OTUD7A: variants seen among roughly 807,000 people sequenced by gnomAD.
OTUD7A encodes the protein OTU domain-containing protein 7A.
In OTUD7A, 12 loss-of-function variants were observed where a neutral mutation model predicts 65.7. That is an observed-to-expected ratio of 0.18 (90% CI 0.12 to 0.30). The LOEUF (loss-of-function observed/expected upper bound fraction) is 0.30. Among genes scored for constraint, OTUD7A ranks in the 10% least tolerant of loss-of-function variants. The pLI is 1.00. For missense variants in OTUD7A, 1,148 were observed against 1,304.8 expected (o/e 0.88, Z 1.85); for synonymous variants, 641 against 586.3 (o/e 1.09, Z -1.35).
chr15:31,614,221 G>A (rs1174249380), intron 3 of OTUD7A, among the ~76,000 whole-genome samples: 1 of 151,990 alleles, frequency 6.6e-6, no homozygotes, highest in Non-Finnish European at 1.5e-5. Flanking sequence ...GGTGATGGGT[G>A]CACCAAAATC....
intron 10 of OTUD7A, among the ~76,000 whole-genome samples, chr15:31,501,096 T>G (rs1293693042): frequency 5.3e-5 from 8 of 152,270 alleles, no homozygotes. Context: ...TCAGCTGCAA[T>G]GCTTTGAAAG....
intron 1 of OTUD7A, among the ~76,000 whole-genome samples, chr15:31,783,077 T>C (rs1532746): frequency 0.99 from 150,560 of 152,306 alleles, 74,446 homozygotes; most frequent in East Asian, 1. Flanking sequence ...GGAAATACCA[T>C]AAACCAGCAA....
chr15:31,497,629 C>T (rs548244411), intron 10 of OTUD7A, among the ~76,000 whole-genome samples: 5 of 152,256 alleles, frequency 3.3e-5, no homozygotes, highest in African/African-American at 7.2e-5. Context: ...CCCTCCCTAC[C>T]CTCTTCGACC....
intron 1 of OTUD7A, among the ~76,000 whole-genome samples, chr15:31,771,626 T>C (rs73378681): frequency 0.017 from 2,603 of 152,228 alleles, 79 homozygotes; most frequent in African/African-American, 0.06. Context: ...CAAAGAACTT[T>C]TAAAATGGTT....
At chr15:31,622,016 C>T (rs1307342139) in intron 3 of OTUD7A, among the ~76,000 whole-genome samples, 2 of 152,162 alleles carry the variant, frequency 1.3e-5, no homozygotes, top group African/African-American at 4.8e-5. Context: ...TTCTCCTTCA[C>T]TTATGAAGCT....
chr15:31,867,755 A>C (rs1897915888), intron 1 of OTUD7A, among the ~76,000 whole-genome samples: 1 of 152,238 alleles, frequency 6.6e-6, no homozygotes, highest in South Asian at 2.1e-4. Context: ...AAAGTGTGCT[A>C]AGAGCCACCT....
chr15:31,846,697 C>A (rs577371986), intron 1 of OTUD7A, among the ~76,000 whole-genome samples: 1 of 152,116 alleles, frequency 6.6e-6, no homozygotes, highest in Non-Finnish European at 1.5e-5. Context: ...ACTGAAACCT[C>A]GGTTTAAGAA....
intron 1 of OTUD7A, among the ~76,000 whole-genome samples, chr15:31,852,341 G>A (rs1897451188): frequency 6.6e-6 from 1 of 152,132 alleles, no homozygotes; most frequent in African/African-American, 2.4e-5. Flanking sequence ...CTTGTTCCTT[G>A]GAATTTAGGA....
In OTUD7A at chr15:31,477,079, C is replaced by G. The variant is rs2041034176; in HGVS notation, c.*6215G>C. ...CCTCCACCAGTGGCCAATGGGGATACCCGGGGGCCTTGGCTCTCTGGCCCT... is the reference window on the plus strand; with the variant it reads ...CCTCCACCAGTGGCCAATGGGGATAGCCGGGGGCCTTGGCTCTCTGGCCCT... On this transcript the variant is annotated 3_prime_UTR_variant, in exon 13 of 13. Coordinates refer to ENST00000307050, the MANE Select transcript of OTUD7A (RefSeq NM_001382637.1). 1 of 152,454 alleles carries G rather than the reference C, an allele frequency of 6.6e-6. No homozygotes were observed. The highest frequency in any genetic ancestry group is 1.5e-5 in the Non-Finnish European group (1 of 68,210). The allele number at this position is 152,454 out of a possible 1,614,324, so 9.4% of individuals were successfully genotyped here.
chr15:31,616,298 G>A (rs1410428662), intron 3 of OTUD7A, among the ~76,000 whole-genome samples: 2 of 152,158 alleles, frequency 1.3e-5, no homozygotes. Flanking sequence ...GGTTGAATCA[G>A]GCAGACCTTG....
chr15:31,539,008 A>G (rs1037978671), intron 5 of OTUD7A, among the ~76,000 whole-genome samples: 6 of 152,270 alleles, frequency 3.9e-5, no homozygotes, highest in East Asian at 1.9e-4. Context: ...TGTGCTGTAC[A>G]CAATGTTTAT....
intron 3 of OTUD7A, among the ~76,000 whole-genome samples, chr15:31,583,278 C>A (rs941988797): frequency 6.6e-6 from 1 of 152,176 alleles, no homozygotes; most frequent in African/African-American, 2.4e-5. Context: ...AAGATGAAGC[C>A]AGGCCACTTT....
chr15:31,637,891 C>T (rs1180477993), intron 3 of OTUD7A, among the ~76,000 whole-genome samples: 1 of 152,132 alleles, frequency 6.6e-6, no homozygotes, highest in East Asian at 1.9e-4. Flanking sequence ...TATGGATGAG[C>T]AAGGAAAGTG....
rs550426433 is a variant in OTUD7A, at chr15:31,634,365, G to A, written c.151+20731C>T. Among the ~76,000 whole-genome samples, 4 of 152,318 alleles carry A rather than the reference G, an allele frequency of 2.6e-5. No individual in the cohort carries two copies. In the South Asian group the frequency reaches 8.3e-4, roughly 32 times the overall value. ...TAAACACAGCAAGCAAACCAGCCATGACCTCGCGTTGGGTGTCTCCTCTTC... is the reference window on the plus strand; with the variant it reads ...TAAACACAGCAAGCAAACCAGCCATAACCTCGCGTTGGGTGTCTCCTCTTC... On this transcript the variant is annotated intron_variant, in intron 3 of 12. Transcript: ENST00000307050.
chr15:31,817,493 G>A (rs1433783148), intron 1 of OTUD7A, among the ~76,000 whole-genome samples: 1 of 152,190 alleles, frequency 6.6e-6, no homozygotes, highest in Non-Finnish European at 1.5e-5. Flanking sequence ...GGACTAGAAT[G>A]AATTCTATAG....
At chr15:31,713,356 C>T (rs2141339859) in intron 1 of OTUD7A, among the ~76,000 whole-genome samples, 1 of 152,298 alleles carries the variant, frequency 6.6e-6, no homozygotes, top group East Asian at 1.9e-4. Context: ...CGGTGGCTCA[C>T]ACCTGTGATC....
At position 31,562,543 on chromosome 15, in the gene OTUD7A, C is replaced by T. The variant is rs567811178; in HGVS notation, c.332-3356G>A. Among the ~76,000 whole-genome samples the T allele has an allele frequency of 2.0e-4, 31 of 152,104 alleles. No homozygotes were observed. In the South Asian group the frequency reaches 5.0e-3, roughly 25 times the overall value. ...TATCTCCAGATGACCGGCGCCTCCC[C>T]GTGTGGCCCTGCATGCTGTGCTGGG... On this transcript the variant is annotated intron_variant, in intron 4 of 12. Coordinates refer to ENST00000307050, the MANE Select transcript of OTUD7A (RefSeq NM_001382637.1).
intron 1 of OTUD7A, among the ~76,000 whole-genome samples, chr15:31,757,800 T>C (rs1446684405): frequency 1.3e-5 from 2 of 152,226 alleles, no homozygotes; most frequent in East Asian, 3.8e-4. Flanking sequence ...AATAATTCTA[T>C]AGAATTCTTT....
intron 8 of OTUD7A, among the ~76,000 whole-genome samples, chr15:31,513,175 T>G (rs1228275756): frequency 6.6e-6 from 1 of 152,214 alleles, no homozygotes; most frequent in Non-Finnish European, 1.5e-5. Flanking sequence ...CCAACCCAAT[T>G]AACCTTATTT....
Sources: allele counts gnomAD v4.1 joint callset (sites outside exome capture counted in the v4.1 genomes callset), GRCh38; gene constraint gnomAD v4.1.1; transcripts MANE v1.5; gene names NCBI Gene and HGNC (gene_info 2026-07-23, HGNC 2026-07-21).